The following KIDINS220 variants were observed in gnomAD, a reference collection of about 807,000 sequenced individuals.
The protein encoded by KIDINS220 is kinase D-interacting substrate of 220 kDa.
In KIDINS220, 63 loss-of-function variants were observed where a neutral mutation model predicts 157.6. That is an observed-to-expected ratio of 0.40 (90% CI 0.33 to 0.49). The LOEUF (loss-of-function observed/expected upper bound fraction) is 0.49, where lower values mean the gene tolerates loss of function less well. KIDINS220 is among the 20% of genes least tolerant of loss of function. The pLI is 0.66. For synonymous variants in KIDINS220, 732 were observed against 783.6 expected, an observed-to-expected ratio of 0.93 and a Z score of 1.10; for missense variants, 1,772 against 2,171.2, an observed-to-expected ratio of 0.82 and a Z score of 3.65.
intron 26 of KIDINS220, among the ~76,000 whole-genome samples, chr2:8,741,321 A>G (rs933748500): frequency 3.3e-5 from 5 of 152,218 alleles, no homozygotes; most frequent in Admixed American, 3.3e-4. Context: ...TAATCCCAAC[A>G]CTTTGGGAGG....
At chr2:8,742,266 ATT>A (rs112007699) in intron 26 of KIDINS220, among the ~76,000 whole-genome samples, 20 of 142,426 alleles carry the variant, frequency 1.4e-4, no homozygotes, top group African/African-American at 2.6e-4. Context: ...TGCCTGGCTA[ATT>A]TTTTTTTTTT....
intron 22 of KIDINS220, among the ~76,000 whole-genome samples, chr2:8,755,241 C>T (rs1167755837): frequency 6.6e-6 from 1 of 152,216 alleles, no homozygotes; most frequent in Non-Finnish European, 1.5e-5. Flanking sequence ...CCTTTGTGCT[C>T]GGTGCAATTT....
chr2:8,824,686 A>C (rs1174613012), intron 2 of KIDINS220, among the ~76,000 whole-genome samples: 2 of 152,214 alleles, frequency 1.3e-5, no homozygotes, highest in African/African-American at 2.4e-5. Flanking sequence ...TCTAAAAACA[A>C]AAAACACAAG....
At chr2:8,773,945 G>T (rs1469144076) in intron 21 of KIDINS220, among the ~76,000 whole-genome samples, 1 of 152,146 alleles carries the variant, frequency 6.6e-6, no homozygotes, top group Non-Finnish European at 1.5e-5. Context: ...CTTCATTCAG[G>T]TCTCTTAGTC....
At chr2:8,792,834 A>G (rs1332393051) in intron 12 of KIDINS220, among the ~76,000 whole-genome samples, 1 of 152,216 alleles carries the variant, frequency 6.6e-6, no homozygotes, top group African/African-American at 2.4e-5. Flanking sequence ...AAGAAAAAAA[A>G]TCCTAAAAAT....
At position 8,751,707 on chromosome 2, in the gene KIDINS220, T is replaced by A. The variant is rs570256819; in HGVS notation, c.3012-63A>T. 7.8e-4 allele frequency: 915 copies of A among 1,167,534 alleles called. 2 individuals carry two copies. Among genetic ancestry groups the A allele is most frequent in the Non-Finnish European group, 1.1e-3 (880 of 817,180 alleles). The allele number at this position is 1,167,534 out of a possible 1,614,324, so 72.3% of individuals were successfully genotyped here. A position where few individuals can be genotyped will look rare whatever the true frequency, so the allele number is the denominator to read the frequency against. Reference sequence around the variant, plus strand: ...CACTATTAGAAAGGTAAATTCTGCATGTCACCTGAAGTTACTTATACAACA... The same window carrying A: ...CACTATTAGAAAGGTAAATTCTGCAAGTCACCTGAAGTTACTTATACAACA... On this transcript the variant is annotated intron_variant, in intron 22 of 29. Coordinates refer to ENST00000256707, the MANE Select transcript of KIDINS220 (RefSeq NM_020738.4).
chr2:8,794,009 C>G (rs1673554665), intron 11 of KIDINS220, 22 bp from the exon 12 acceptor site: 1 of 1,556,082 alleles, frequency 6.4e-7, no homozygotes, highest in African/African-American at 1.4e-5. Flanking sequence ...TAGTACGAAA[C>G]TTGAACTTTC....
intron 29 of KIDINS220, among the ~76,000 whole-genome samples, chr2:8,732,912 C>T (rs1319702112): frequency 6.6e-6 from 1 of 152,158 alleles, no homozygotes; most frequent in African/African-American, 2.4e-5. Flanking sequence ...TCTGTCCCTG[C>T]CCCTACCCCT....
intron 15 of KIDINS220, among the ~76,000 whole-genome samples, chr2:8,787,097 T>C (rs1289625487): frequency 2.0e-5 from 3 of 152,024 alleles, no homozygotes; most frequent in African/African-American, 7.2e-5. Flanking sequence ...CTTTAATTGT[T>C]CTAACTGAAA....
Position 8,738,629 on chromosome 2 carries a change from G to T in KIDINS220, c.3586-1630C>A, listed in dbSNP as rs988975554. On this transcript the variant is annotated intron_variant, in intron 26 of 29. Coordinates refer to ENST00000256707, the MANE Select transcript of KIDINS220 (RefSeq NM_020738.4). ...ATCAGACAAACCCAAATTGAGGGAC[G>T]TTCTACAAAATAACTAACCAGTATT... Among the ~76,000 whole-genome samples, 40 of 152,158 alleles carry T rather than the reference G, an allele frequency of 2.6e-4. 1 individual carries two copies. Among genetic ancestry groups the T allele is most frequent in the Non-Finnish European group, 1.2e-4 (8 of 68,028 alleles).
Position 8,736,057 on chromosome 2 carries a change from C to T in KIDINS220, c.3717+811G>A, listed in dbSNP as rs551306591. 7.2e-5 allele frequency among the ~76,000 whole-genome samples: 11 copies of T among 152,330 alleles called. No individual in the cohort carries two copies. In the East Asian group the frequency reaches 2.1e-3, roughly 29 times the overall value. ...CGAGCCAGCTCTGTAAGGAAACTGA[C>T]ATTATCTGAAACCTTTCTAAAATTG... On this transcript the variant is annotated intron_variant, in intron 27 of 29. Coordinates refer to ENST00000256707, the MANE Select transcript of KIDINS220 (RefSeq NM_020738.4).
intron 1 of KIDINS220, among the ~76,000 whole-genome samples, chr2:8,833,344 A>G (rs1297999356): frequency 6.6e-6 from 1 of 152,224 alleles, no homozygotes; most frequent in Non-Finnish European, 1.5e-5. Flanking sequence ...TAATAACAGA[A>G]TATGATCATT....
chr2:8,779,767 A>G lies in KIDINS220; in HGVS notation c.2277T>C (p.Ile759=), dbSNP rs1275516175. 6.2e-7 allele frequency: 1 copy of G among 1,614,216 alleles called. No homozygotes were observed. Among genetic ancestry groups the G allele is most frequent in the Admixed American group, 1.7e-5 (1 of 60,028 alleles). Residue 759 remains isoleucine, a synonymous_variant, in exon 18 of 30, where the codon ATT becomes ATC. Transcript: ENST00000256707. ...TTGTCTGATTCTGAGTGAAGCTGTC[A>G]ATGGTTTTTGCCATCCTGGCCATCA... The part of the protein sequence containing the change: ...VELMARMAKT[I]DSFTQNQTRL...
intron 1 of KIDINS220, 123 bp downstream of exon 1, chr2:8,837,357 C>T (rs62104395): frequency 0.26 from 39,003 of 151,974 alleles, 5,305 homozygotes; most frequent in Middle Eastern, 0.41. Context: ...CTCGCCCCTT[C>T]CGCGCACTCC....
At chr2:8,743,354 G>T (rs1363090334) in intron 26 of KIDINS220, among the ~76,000 whole-genome samples, 2 of 152,178 alleles carry the variant, frequency 1.3e-5, no homozygotes, top group Non-Finnish European at 2.9e-5. Flanking sequence ...ACCAAAAACA[G>T]TTTGAGTTCT....
In KIDINS220 at chr2:8,798,249, C is replaced by G. The variant is rs1328089029; in HGVS notation, c.952G>C (p.Val318Leu). The change falls in exon 10 of 30, where the codon GTG becomes CTG. Residue 318 changes from valine to leucine, a missense_variant. Physicochemically the swap from Val to Leu is conservative, Grantham distance 32. Coordinates refer to ENST00000256707, the MANE Select transcript of KIDINS220 (RefSeq NM_020738.4). ...GGATTGCACTGTAAGATATCTCTCA[C>G]CATTGTTGCATTTCCTTTCTCAACA... is the stretch of plus-strand genomic sequence containing the variant. ...WAVEKGNATM[V>L]RDILQCNPDT... 4 of 1,612,878 alleles carry G rather than the reference C, an allele frequency of 2.5e-6. No individual in the cohort carries two copies. The highest frequency in any genetic ancestry group is 2.5e-6 in the Non-Finnish European group (3 of 1,179,064).
At chr2:8,758,083 G>A (rs529512962) in intron 22 of KIDINS220, among the ~76,000 whole-genome samples, 6 of 152,128 alleles carry the variant, frequency 3.9e-5, no homozygotes, top group East Asian at 1.9e-4. Flanking sequence ...GGCTGGTCTC[G>A]AACTCCTGAC....
chr2:8,773,113 G>C (rs557032483), intron 21 of KIDINS220, among the ~76,000 whole-genome samples: 1 of 152,230 alleles, frequency 6.6e-6, no homozygotes, highest in Non-Finnish European at 1.5e-5. Flanking sequence ...TGAAACTAAT[G>C]GTGTTAGGGG....
chr2:8,812,235 G>A (rs1676430212), intron 6 of KIDINS220, among the ~76,000 whole-genome samples, 160 bp downstream of exon 6: 1 of 151,778 alleles, frequency 6.6e-6, no homozygotes, highest in African/African-American at 2.4e-5. Flanking sequence ...ATACACCCAG[G>A]GAATCCATCT....
Sources: allele counts gnomAD v4.1 joint callset (sites outside exome capture counted in the v4.1 genomes callset), GRCh38; gene constraint gnomAD v4.1.1; transcripts MANE v1.5; gene names NCBI Gene and HGNC (gene_info 2026-07-23, HGNC 2026-07-21).